The following BCL9 variants were observed in gnomAD, a reference collection of about 807,000 sequenced individuals.
BCL9 encodes the protein B-cell CLL/lymphoma 9 protein.
Under a neutral mutation model 88.5 loss-of-function variants are expected in BCL9, and 25 were observed. That is an observed-to-expected ratio of 0.28 (90% confidence interval 0.21 to 0.39). BCL9 has a LOEUF of 0.39. Ranked by LOEUF, BCL9 falls within the 10% of genes least tolerant of loss-of-function variation. BCL9 has a pLI of 1.00. For missense variants in BCL9, 1,817 were observed against 1,877.8 expected (o/e 0.97, Z 0.60); for synonymous variants, 711 against 673.3 (o/e 1.06, Z -0.87).
intron 1 of BCL9, among the ~76,000 whole-genome samples, chr1:147,561,341 T>G (rs1655367239): frequency 6.6e-6 from 1 of 152,210 alleles, no homozygotes; most frequent in Non-Finnish European, 1.5e-5. Flanking sequence ...TAGGGCACTG[T>G]TAACACAGTG....
At chr1:147,607,263 T>A (rs1167550192) in intron 3 of BCL9, among the ~76,000 whole-genome samples, 1 of 152,240 alleles carries the variant, frequency 6.6e-6, no homozygotes, top group Non-Finnish European at 1.5e-5. Flanking sequence ...GATCCCGTCT[T>A]AGTTACTGTA....
In BCL9 at chr1:147,624,370, T is replaced by C. The variant is rs1553206094; in HGVS notation, c.3692T>C (p.Ile1231Thr). The C allele has an allele frequency of 1.9e-6, 3 of 1,614,084 alleles. No homozygotes were observed. The highest frequency in any genetic ancestry group is 2.5e-6 in the Non-Finnish European group (3 of 1,180,034). Reference protein sequence around the residue: ...QEVIRPGATGIPEFDLSRIIP... With the variant: ...QEVIRPGATGTPEFDLSRIIP... The stretch of plus-strand genomic sequence containing the variant: ...GTCATCCGACCTGGAGCCACCGGAA[T>C]ACCTGAGTTTGATCTATCCCGCATT... Residue 1231 changes from isoleucine to threonine, a missense_variant, in exon 10 of 10, where the codon ATA becomes ACA. Physicochemically the swap from Ile to Thr is moderately conservative, Grantham distance 89. This residue lies in a region of BCL9 where 589 missense variants were observed against 686.2 expected (regional missense o/e 0.86). Coordinates refer to ENST00000234739, the MANE Select transcript of BCL9 (RefSeq NM_004326.4). This position sits in a 1 kb window ranked among gnomAD's most constrained non-coding sequence, Gnocchi z 4.4.
At chr1:147,622,022 A>T (rs587709094) in intron 8 of BCL9, among the ~76,000 whole-genome samples, 2 of 152,240 alleles carry the variant, frequency 1.3e-5, no homozygotes, top group Admixed American at 1.3e-4. Flanking sequence ...TAATATTTCT[A>T]ACACATTCCT....
chr1:147,563,115 GCTTAAATGTCAC>G (rs1349857711), intron 1 of BCL9, among the ~76,000 whole-genome samples: 1 of 152,166 alleles, frequency 6.6e-6, no homozygotes, highest in Non-Finnish European at 1.5e-5. Context: ...TCAGGCCTTA[GCTTAAATGTCAC>G]CTCTTCAGAG....
chr1:147,549,406 G>C lies in BCL9; in HGVS notation c.-478+7732G>C, dbSNP rs587774650. ...AGAATCACAGATGATAAATGAGTTA[G>C]TTAAGTTTGCCTATCTTACCTGCTA... On this transcript the variant is annotated intron_variant, in intron 1 of 9. Transcript: ENST00000234739. Among the ~76,000 whole-genome samples, 5 of 152,194 alleles carry C rather than the reference G, an allele frequency of 3.3e-5. No individual in the cohort carries two copies. The South Asian group carries it at 1.0e-3, about 32-fold the overall frequency.
intron 1 of BCL9, among the ~76,000 whole-genome samples, chr1:147,593,611 T>C (rs1656931368): frequency 6.6e-6 from 1 of 152,218 alleles, no homozygotes; most frequent in African/African-American, 2.4e-5. Flanking sequence ...AAGTTATACT[T>C]TTTTGAATCT....
At chr1:147,573,039 G>A (rs1655952210) in intron 1 of BCL9, among the ~76,000 whole-genome samples, 1 of 152,230 alleles carries the variant, frequency 6.6e-6, no homozygotes, top group African/African-American at 2.4e-5. Context: ...ACATATTTGT[G>A]GAACATCTTA....
rs181470991 is a variant in BCL9 at position 147,601,283 on chromosome 1, T to C, written c.-477-3494T>C. Among the ~76,000 whole-genome samples the C allele has an allele frequency of 4.7e-3, 712 of 152,282 alleles. 6 individuals are homozygous for C. Among genetic ancestry groups the C allele is most frequent in the Non-Finnish European group, 5.3e-3 (358 of 68,028 alleles). Reference sequence around the variant, plus strand: ...TAACTATCTCTTAGTGGAGAGTCTGTAAGATGGGATAGAATTGATGCAAAA... The same window carrying C: ...TAACTATCTCTTAGTGGAGAGTCTGCAAGATGGGATAGAATTGATGCAAAA... On this transcript the variant is annotated intron_variant, in intron 1 of 9. Transcript: ENST00000234739.
chr1:147,603,095 A>G (rs1657485714), intron 1 of BCL9, among the ~76,000 whole-genome samples: 1 of 152,248 alleles, frequency 6.6e-6, no homozygotes, highest in Admixed American at 6.5e-5. Context: ...TATGTAGCCC[A>G]ACTCTTCCAA....
intron 1 of BCL9, among the ~76,000 whole-genome samples, chr1:147,569,400 G>A (rs1440910487): frequency 3.3e-5 from 5 of 151,066 alleles, no homozygotes; most frequent in Non-Finnish European, 7.4e-5. Context: ...AAGCCGAGGA[G>A]GGTGGATCAC....
At chr1:147,600,069 T>C (rs1570884895) in intron 1 of BCL9, 1 of 32,752 alleles carries the variant, frequency 3.1e-5, no homozygotes, top group Non-Finnish European at 5.7e-5. Context: ...GTACCTTTCG[T>C]GGCGCGGTGC....
intron 1 of BCL9, among the ~76,000 whole-genome samples, chr1:147,544,633 C>T (rs774559687): frequency 1.3e-5 from 2 of 152,112 alleles, no homozygotes; most frequent in Non-Finnish European, 2.9e-5. Flanking sequence ...CTGCAAGAGA[C>T]TCCACCATTA....
At chr1:147,588,607 C>T (rs1361898937) in intron 1 of BCL9, among the ~76,000 whole-genome samples, 2 of 151,944 alleles carry the variant, frequency 1.3e-5, no homozygotes, top group African/African-American at 2.4e-5. Context: ...CGGGGTGGGG[C>T]GAGGCCAGGA....
At chr1:147,591,823 C>T (rs1300391411) in intron 1 of BCL9, among the ~76,000 whole-genome samples, 1 of 152,128 alleles carries the variant, frequency 6.6e-6, no homozygotes, top group Non-Finnish European at 1.5e-5. Context: ...CATTGCTTCC[C>T]GTCCTGCCCT....
At chr1:147,581,259 C>T (rs1489870608) in intron 1 of BCL9, among the ~76,000 whole-genome samples, 7 of 152,178 alleles carry the variant, frequency 4.6e-5, no homozygotes, top group Non-Finnish European at 5.9e-5. Context: ...CATGGCATAT[C>T]AACTAGCAAA....
At chr1:147,582,342 T>C (rs1553198729) in intron 1 of BCL9, among the ~76,000 whole-genome samples, 1 of 152,258 alleles carries the variant, frequency 6.6e-6, no homozygotes, top group Non-Finnish European at 1.5e-5. Flanking sequence ...CATTTCCTTT[T>C]GCTTTGTAAC....
chr1:147,570,873 G>T (rs1285405400), intron 1 of BCL9, among the ~76,000 whole-genome samples: 1 of 152,008 alleles, frequency 6.6e-6, no homozygotes, highest in Admixed American at 6.6e-5. Flanking sequence ...GACCTCAGGT[G>T]ATCTGCCTGC....
intron 1 of BCL9, among the ~76,000 whole-genome samples, chr1:147,577,574 G>T (rs1656166436): frequency 6.6e-6 from 1 of 152,044 alleles, no homozygotes; most frequent in Non-Finnish European, 1.5e-5. Flanking sequence ...GTTCCATTGT[G>T]TTCACTTGTA....
chr1:147,619,651 A>G lies in BCL9; in HGVS notation c.1496A>G (p.Asp499Gly), dbSNP rs1553204684. The G allele has an allele frequency of 1.2e-6, 2 of 1,614,106 alleles. No homozygotes were observed. Among genetic ancestry groups the G allele is most frequent in the Non-Finnish European group, 1.7e-6 (2 of 1,180,020 alleles). Residue 499 changes from aspartate (D) to glycine (G), a missense_variant, in exon 8 of 10, where the codon GAC becomes GGC. This residue lies in a region of BCL9 where 1,228 missense variants were observed against 1,191.6 expected (regional missense o/e 1.03). Coordinates refer to ENST00000234739, the MANE Select transcript of BCL9 (RefSeq NM_004326.4). This position sits in a 1 kb window ranked among gnomAD's most constrained non-coding sequence, Gnocchi z 4.1. ...GTTGTCCAGCAGTGTTCCCTCCAGG[A>G]CATGATGGTCCATCAGCACGGGCCT... ...QVVVQQCSLQ[D>G]MMVHQHGPRG...
Sources: gnomAD v4.1 joint callset for allele counts (sites outside exome capture counted in the v4.1 genomes callset) on GRCh38, gnomAD v4.1.1 for gene constraint, gnomAD v4.1.1 regional missense constraint, Gnocchi (gnomAD v3.1) non-coding constraint, MANE v1.5 for transcripts, NCBI Gene and HGNC (gene_info 2026-07-23, HGNC 2026-07-21) for gene names.